The following CNTN4 variants were observed in gnomAD, a reference collection of about 807,000 sequenced individuals.
CNTN4 encodes contactin-4.
A neutral mutation model predicts 122.5 loss-of-function variants in CNTN4; 77 were observed. The observed-to-expected ratio is 0.63, with a 90% confidence interval of 0.52 to 0.76. The LOEUF (loss-of-function observed/expected upper bound fraction) is 0.76, where lower values mean the gene tolerates loss of function less well. Among genes scored for constraint, CNTN4 ranks in the 30% least tolerant of loss-of-function variants. The pLI is 0.00. For synonymous variants in CNTN4, 512 were observed against 447.0 expected, an observed-to-expected ratio of 1.15 and a Z score of -1.83; for missense variants, 1,256 against 1,259.1, an observed-to-expected ratio of 1.00 and a Z score of 0.04.
chr3:2,601,031 C>A (rs9860667), intron 4 of CNTN4, among the ~76,000 whole-genome samples: 8,066 of 152,122 alleles, frequency 0.053, 704 homozygotes, highest in African/African-American at 0.18. Context: ...ATTCATTGCC[C>A]ACTTTTTGAT....
chr3:2,706,427 A>G (rs966322581), intron 4 of CNTN4, among the ~76,000 whole-genome samples: 1 of 152,182 alleles, frequency 6.6e-6, no homozygotes, highest in Non-Finnish European at 1.5e-5. Context: ...ATCAGCATAT[A>G]GAGGTGGTTG....
intron 14 of CNTN4, among the ~76,000 whole-genome samples, chr3:3,000,077 A>G (rs1024310588): frequency 2.0e-5 from 3 of 152,102 alleles, no homozygotes; most frequent in African/African-American, 7.2e-5. Flanking sequence ...AAAGATTTGC[A>G]TTTTTCTTCA....
intron 3 of CNTN4, among the ~76,000 whole-genome samples, chr3:2,422,666 C>G (rs1458452171): frequency 1.3e-5 from 2 of 152,158 alleles, no homozygotes; most frequent in East Asian, 3.8e-4. Flanking sequence ...TCCTGAATCT[C>G]TGTACATCCT....
chr3:2,716,278 T>G (rs1301069390), intron 4 of CNTN4, among the ~76,000 whole-genome samples: 1 of 151,920 alleles, frequency 6.6e-6, no homozygotes, highest in Non-Finnish European at 1.5e-5. Context: ...TATATTGTAA[T>G]TGAGATAAAG....
At chr3:2,342,056 A>G (rs1463259575) in intron 3 of CNTN4, among the ~76,000 whole-genome samples, 1 of 152,240 alleles carries the variant, frequency 6.6e-6, no homozygotes. Flanking sequence ...AAGAAGTGTC[A>G]GTGGTTGAAT....
intron 10 of CNTN4, among the ~76,000 whole-genome samples, chr3:2,894,331 A>G (rs185006856): frequency 2.7e-4 from 41 of 152,338 alleles, no homozygotes; most frequent in African/African-American, 9.9e-4. Context: ...AGAAGGATAC[A>G]TTCAAAAGAA....
chr3:2,559,836 T>G (rs2078875178), intron 3 of CNTN4, among the ~76,000 whole-genome samples: 1 of 152,188 alleles, frequency 6.6e-6, no homozygotes, highest in Non-Finnish European at 1.5e-5. Flanking sequence ...TGAGAGTATG[T>G]GTTCATAGGC....
chr3:2,765,415 C>T (rs2090810033), intron 6 of CNTN4, among the ~76,000 whole-genome samples: 1 of 152,102 alleles, frequency 6.6e-6, no homozygotes, highest in Non-Finnish European at 1.5e-5. Flanking sequence ...TCCTGGCTCC[C>T]CTTCCTAGAG....
chr3:2,157,721 C>T (rs1037696581), intron 2 of CNTN4, among the ~76,000 whole-genome samples: 3 of 152,162 alleles, frequency 2.0e-5, no homozygotes, highest in East Asian at 1.9e-4. Flanking sequence ...AACTTTTACA[C>T]TTTATACCAA....
intron 4 of CNTN4, among the ~76,000 whole-genome samples, chr3:2,644,866 T>C (rs112679214): frequency 8.7e-4 from 130 of 149,564 alleles, no homozygotes; most frequent in Middle Eastern, 3.4e-3. Flanking sequence ...TAACCCCTTG[T>C]CTTGTATTCT....
chr3:2,945,854 G>T (rs1190909539), intron 13 of CNTN4, among the ~76,000 whole-genome samples: 3 of 152,128 alleles, frequency 2.0e-5, no homozygotes, highest in African/African-American at 4.8e-5. Flanking sequence ...TAGAAAAATA[G>T]AACCCATTAT....
At chr3:2,953,027 A>C (rs1229585674) in intron 13 of CNTN4, among the ~76,000 whole-genome samples, 2 of 152,220 alleles carry the variant, frequency 1.3e-5, no homozygotes, top group Non-Finnish European at 2.9e-5. Context: ...CAACTAACTT[A>C]ATCGTAGACA....
In CNTN4 at chr3:2,866,867, G is replaced by A. The variant is rs1331841920; in HGVS notation, c.570G>A (p.Gly190=). ...YIAKVEKSDV[G]NYTCVVTNTV... ...CCAAAGTAGAAAAATCAGATGTTGG[G>A]AATTATACCTGTGTGGTTACCAATA... Residue 190 remains glycine, a synonymous_variant, in exon 8 of 25, where the codon GGG becomes GGA. Transcript: ENST00000418658. 1.2e-6 allele frequency: 2 copies of A among 1,613,916 alleles called. No homozygotes were observed. The highest frequency in any genetic ancestry group is 2.2e-5 in the South Asian group (2 of 91,086).
intron 3 of CNTN4, among the ~76,000 whole-genome samples, chr3:2,498,101 T>A (rs1266387293): frequency 6.6e-6 from 1 of 152,234 alleles, no homozygotes; most frequent in African/African-American, 2.4e-5. Context: ...CATTGAATAT[T>A]ACTACTTAAT....
intron 13 of CNTN4, among the ~76,000 whole-genome samples, chr3:2,957,299 G>A (rs1354020630): frequency 6.6e-6 from 1 of 152,064 alleles, no homozygotes; most frequent in East Asian, 1.9e-4. Flanking sequence ...GTCAATGCTT[G>A]TTGTCTCTTG....
At chr3:2,270,438 CAGTT>C (rs1225054440) in intron 2 of CNTN4, among the ~76,000 whole-genome samples, 7 of 145,690 alleles carry the variant, frequency 4.8e-5, no homozygotes, top group Non-Finnish European at 9.0e-5. Flanking sequence ...TGTTCTTAGA[CAGTT>C]AGAGGCACAG....
intron 2 of CNTN4, among the ~76,000 whole-genome samples, chr3:2,286,654 C>A (rs1183983271): frequency 2.0e-5 from 3 of 152,112 alleles, no homozygotes; most frequent in African/African-American, 7.2e-5. Flanking sequence ...ATGTTTACAA[C>A]AGAGCATTTT....
At chr3:2,585,732 A>G (rs2080169014) in intron 4 of CNTN4, among the ~76,000 whole-genome samples, 1 of 151,846 alleles carries the variant, frequency 6.6e-6, no homozygotes, top group South Asian at 2.1e-4. Context: ...AGATACACCT[A>G]ATGTTAAATG....
At chr3:2,739,975 T>C (rs2089364462) in intron 5 of CNTN4, among the ~76,000 whole-genome samples, 1 of 152,226 alleles carries the variant, frequency 6.6e-6, no homozygotes, top group Non-Finnish European at 1.5e-5. Flanking sequence ...CCTTGCTTTT[T>C]AGAAAAAGAA....
Sources: gnomAD v4.1 joint callset for allele counts (sites outside exome capture counted in the v4.1 genomes callset) on GRCh38, gnomAD v4.1.1 for gene constraint, MANE v1.5 for transcripts, NCBI Gene and HGNC (gene_info 2026-07-23, HGNC 2026-07-21) for gene names.